Variants in KCNIP4 observed in about 807,000 individuals in gnomAD.
KCNIP4 encodes Kv channel-interacting protein 4.
Under a neutral mutation model 34.0 loss-of-function variants are expected in KCNIP4, and 12 were observed. The ratio of observed to expected loss-of-function variants is 0.35; its 90% CI spans 0.23 to 0.57. The LOEUF is 0.57. KCNIP4 is among the 20% of genes least tolerant of loss of function. KCNIP4 has a pLI of 0.83. For missense variants in KCNIP4, 238 were observed against 311.7 expected (o/e 0.76, Z 1.78); for synonymous variants, 124 against 102.2 (o/e 1.21, Z -1.29).
Position 21,086,748 on chromosome 4 carries a change from C to A in KCNIP4, c.62-204039G>T, listed in dbSNP as rs552828364. Reference sequence around the variant, plus strand: ...TCTTTTTTCTCCTACCATTAAGACCCTAAGCTCTTTTTTCGATTCCTTCAA... The same window carrying A: ...TCTTTTTTCTCCTACCATTAAGACCATAAGCTCTTTTTTCGATTCCTTCAA... On this transcript the variant is annotated intron_variant, in intron 1 of 8. Coordinates refer to ENST00000382152, the MANE Select transcript of KCNIP4 (RefSeq NM_025221.6). Among the ~76,000 whole-genome samples the A allele has an allele frequency of 4.6e-5, 7 of 152,270 alleles. No homozygotes were observed. The East Asian group carries it at 1.4e-3, about 29-fold the overall frequency.
intron 1 of KCNIP4, among the ~76,000 whole-genome samples, chr4:20,902,667 C>T (rs1425519146): frequency 1.3e-5 from 2 of 152,016 alleles, no homozygotes; most frequent in African/African-American, 4.8e-5. Flanking sequence ...TTACAGGTAC[C>T]TGCCACCACA....
chr4:21,297,897 T>C (rs1763934709), intron 1 of KCNIP4, among the ~76,000 whole-genome samples: 1 of 152,168 alleles, frequency 6.6e-6, no homozygotes, highest in Non-Finnish European at 1.5e-5. Flanking sequence ...ATGACTTTTA[T>C]GTATCTCTGT....
At chr4:20,823,672 G>C (rs1344817370) in intron 3 of KCNIP4, among the ~76,000 whole-genome samples, 3 of 152,190 alleles carry the variant, frequency 2.0e-5, no homozygotes, top group Non-Finnish European at 2.9e-5. Flanking sequence ...CTGGAAACTT[G>C]ATCTTGGATT....
chr4:21,464,662 GT>G (rs1729756155), intron 1 of KCNIP4: 1 of 151,912 alleles, frequency 6.6e-6, no homozygotes, highest in Admixed American at 6.6e-5. Context: ...ATATTCTGCT[GT>G]TTTTTTCTAT....
intron 1 of KCNIP4, among the ~76,000 whole-genome samples, chr4:21,439,855 G>A (rs1215319384): frequency 2.0e-5 from 3 of 152,196 alleles, no homozygotes; most frequent in African/African-American, 4.8e-5. Flanking sequence ...GTTTAAGGCA[G>A]TGCTGGTTTG....
At chr4:21,820,604 T>C (rs1341271984) in intron 1 of KCNIP4, among the ~76,000 whole-genome samples, 1 of 152,096 alleles carries the variant, frequency 6.6e-6, no homozygotes, top group Non-Finnish European at 1.5e-5. Flanking sequence ...TTTTAATTCA[T>C]AAGTCAAGTT....
intron 1 of KCNIP4, among the ~76,000 whole-genome samples, chr4:21,568,206 C>A (rs917954766): frequency 6.6e-6 from 1 of 152,036 alleles, no homozygotes; most frequent in Admixed American, 6.6e-5. Context: ...AGTTTCTAAT[C>A]CCTACCACCT....
At chr4:21,334,701 A>T (rs961788395) in intron 1 of KCNIP4, among the ~76,000 whole-genome samples, 1 of 152,010 alleles carries the variant, frequency 6.6e-6, no homozygotes, top group Non-Finnish European at 1.5e-5. Flanking sequence ...GGCAAACACT[A>T]GTCTACATTC....
At chr4:21,278,114 G>A (rs1762548304) in intron 1 of KCNIP4, among the ~76,000 whole-genome samples, 1 of 151,974 alleles carries the variant, frequency 6.6e-6, no homozygotes, top group Non-Finnish European at 1.5e-5. Context: ...TCTTTCTTGG[G>A]AAGTAATGGA....
chr4:20,783,789 C>T (rs1711553042), intron 3 of KCNIP4, among the ~76,000 whole-genome samples: 2 of 151,982 alleles, frequency 1.3e-5, no homozygotes, highest in African/African-American at 4.8e-5. Context: ...AACTATTCTG[C>T]TTAATAGGAA....
At chr4:20,983,720 A>T in intron 1 of KCNIP4, 1 of 1,023,004 alleles carries the variant, frequency 9.8e-7, no homozygotes. Context: ...TAAAACTTTT[A>T]CTTTGAGTAT....
intron 1 of KCNIP4, among the ~76,000 whole-genome samples, chr4:21,687,862 G>A (rs1577847016): frequency 6.6e-6 from 1 of 152,116 alleles, no homozygotes; most frequent in East Asian, 1.9e-4. Context: ...TAATCACACA[G>A]CTCTTAAGGG....
At chr4:21,109,171 G>C (rs1237926101) in intron 1 of KCNIP4, among the ~76,000 whole-genome samples, 1 of 152,162 alleles carries the variant, frequency 6.6e-6, no homozygotes, top group South Asian at 2.1e-4. Context: ...GGTTACTGCT[G>C]TCTTTTTGTT....
chr4:20,920,159 T>G (rs2149585056), intron 1 of KCNIP4, among the ~76,000 whole-genome samples: 1 of 152,324 alleles, frequency 6.6e-6, no homozygotes, highest in South Asian at 2.1e-4. Context: ...ACGCAATTTC[T>G]AAGAGATATG....
chr4:21,469,998 A>C (rs1273252217), intron 1 of KCNIP4, among the ~76,000 whole-genome samples: 2 of 152,196 alleles, frequency 1.3e-5, no homozygotes, highest in Non-Finnish European at 2.9e-5. Flanking sequence ...CTACGCCACA[A>C]TTGTGGCCGA....
At chr4:21,820,726 T>C (rs927770739) in intron 1 of KCNIP4, among the ~76,000 whole-genome samples, 1 of 152,150 alleles carries the variant, frequency 6.6e-6, no homozygotes, top group Non-Finnish European at 1.5e-5. Flanking sequence ...ATTACATTTC[T>C]CTAAGTTCAC....
At chr4:21,666,636 C>G (rs1448625767) in intron 1 of KCNIP4, among the ~76,000 whole-genome samples, 1 of 152,138 alleles carries the variant, frequency 6.6e-6, no homozygotes, top group Admixed American at 6.6e-5. Context: ...TATAAAGACT[C>G]TAAGCTTACT....
At chr4:21,749,340 T>C (rs1412656593) in intron 1 of KCNIP4, among the ~76,000 whole-genome samples, 1 of 152,156 alleles carries the variant, frequency 6.6e-6, no homozygotes, top group Non-Finnish European at 1.5e-5. Context: ...CCTAGGAGCA[T>C]TTTGTCAATG....
intron 1 of KCNIP4, among the ~76,000 whole-genome samples, chr4:21,158,793 AC>A (rs1753354961): frequency 6.6e-6 from 1 of 152,016 alleles, no homozygotes; most frequent in Admixed American, 6.6e-5. Flanking sequence ...CAGTGCAACA[AC>A]AAAAAAAAGA....
Sources: allele counts gnomAD v4.1 joint callset (sites outside exome capture counted in the v4.1 genomes callset), GRCh38; gene constraint gnomAD v4.1.1; transcripts MANE v1.5; gene names NCBI Gene and HGNC (gene_info 2026-07-23, HGNC 2026-07-21).